The following BNIP2 variants were observed in gnomAD, a reference collection of about 807,000 sequenced individuals.
BNIP2 encodes the protein BCL2/adenovirus E1B 19 kDa protein-interacting protein 2.
Under a neutral mutation model 43.4 loss-of-function variants are expected in BNIP2, and 36 were observed. That is an observed-to-expected ratio of 0.83 (90% confidence interval 0.64 to 1.10). BNIP2 has a LOEUF of 1.10. BNIP2 is among the 50% of genes least tolerant of loss of function. BNIP2 has a pLI of 0.00. For missense variants in BNIP2, 417 were observed against 374.1 expected, an observed-to-expected ratio of 1.11 and a Z score of -0.95; for synonymous variants, 146 against 121.0, an observed-to-expected ratio of 1.21 and a Z score of -1.35.
chr15:59,678,176 G>A (rs1363930417), intron 4 of BNIP2, 89 bp from the exon 5 acceptor site: 3 of 1,440,182 alleles, frequency 2.1e-6, no homozygotes, highest in South Asian at 1.5e-5. Context: ...AGATTTTACA[G>A]AGAATTTTCA....
At chr15:59,674,316 CT>C (rs1376287387) in intron 5 of BNIP2, among the ~76,000 whole-genome samples, 5 of 152,078 alleles carry the variant, frequency 3.3e-5, no homozygotes, top group Non-Finnish European at 7.4e-5. Context: ...TCTTCACTAC[CT>C]TTCTTAATCA....
rs1200012515 is a variant in BNIP2, at chr15:59,661,253, C to T, written c.*2816G>A. 6.8e-6 allele frequency: 1 copy of T among 148,072 alleles called. No homozygotes were observed. Among genetic ancestry groups the T allele is most frequent in the Non-Finnish European group, 1.5e-5 (1 of 67,762 alleles). The allele number at this position is 148,072 out of a possible 1,614,324, so 9.2% of individuals were successfully genotyped here. On this transcript the variant is annotated 3_prime_UTR_variant, in exon 10 of 10. Coordinates refer to ENST00000607373, the MANE Select transcript of BNIP2 (RefSeq NM_004330.4). Reference sequence around the variant, plus strand: ...GCTGAGGCAGGAGAAATGCTTGAACCCGGGAGGCAGAGGTTGCAGTGAGCC... The same window carrying T: ...GCTGAGGCAGGAGAAATGCTTGAACTCGGGAGGCAGAGGTTGCAGTGAGCC...
chr15:59,680,602 T>C (rs554692170), intron 2 of BNIP2, among the ~76,000 whole-genome samples: 1 of 152,172 alleles, frequency 6.6e-6, no homozygotes, highest in African/African-American at 2.4e-5. Context: ...GGTCTTGCTA[T>C]GTTACCCAGG....
At chr15:59,683,524 C>T (rs939386093) in intron 1 of BNIP2, among the ~76,000 whole-genome samples, 2 of 152,200 alleles carry the variant, frequency 1.3e-5, no homozygotes, top group Middle Eastern at 3.4e-3. Flanking sequence ...AGTTAAAAGT[C>T]GTTGACACTA....
At position 59,659,883 on chromosome 15, in the gene BNIP2, A is replaced by G. The variant is rs921978320; in HGVS notation, c.*4186T>C. ...TTATAAATAGTTGCAACATACTGTT[A>G]TATTCAAATTTTAGTGTCACTCCTT... On this transcript the variant is annotated 3_prime_UTR_variant, in exon 10 of 10. Transcript: ENST00000607373. 1 of 152,190 alleles carries G rather than the reference A, an allele frequency of 6.6e-6. No individual in the cohort carries two copies. The highest frequency in any genetic ancestry group is 2.4e-5 in the African/African-American group (1 of 41,442). 9.4% of individuals were successfully genotyped at this position (152,190 alleles called of 1,614,324 possible).
intron 4 of BNIP2, 84 bp downstream of exon 4, chr15:59,679,508 T>C (rs1192351494): frequency 1.4e-6 from 2 of 1,382,964 alleles, no homozygotes; most frequent in Admixed American, 2.4e-5. Context: ...AACAAATATA[T>C]GAACTTTAGA....
chr15:59,670,901 C>G (rs1892857816), intron 7 of BNIP2, among the ~76,000 whole-genome samples: 1 of 152,026 alleles, frequency 6.6e-6, no homozygotes, highest in East Asian at 1.9e-4. Flanking sequence ...TGGAGAAACC[C>G]CGTCTCTACA....
chr15:59,669,261 G>A lies in BNIP2; in HGVS notation c.794+15C>T. The A allele has an allele frequency of 6.7e-7, 1 of 1,501,006 alleles. No individual in the cohort carries two copies. Among genetic ancestry groups the A allele is most frequent in the Non-Finnish European group, 9.0e-7 (1 of 1,116,700 alleles). The allele number at this position is 1,501,006 out of a possible 1,614,324, so 93.0% of individuals were successfully genotyped here. ...AAAAAAAATAAAATTAAAGTCAATG[G>A]CTCTCAAAAATTACCTAATAAATGG... On this transcript the variant is annotated intron_variant, in intron 8 of 9. Transcript: ENST00000607373.
At position 59,660,158 on chromosome 15, in the gene BNIP2, A is replaced by G. The variant is rs755937490; in HGVS notation, c.*3911T>C. 6.6e-6 allele frequency: 1 copy of G among 152,212 alleles called. No homozygotes were observed. The highest frequency in any genetic ancestry group is 1.5e-5 in the Non-Finnish European group (1 of 68,054). 9.4% of individuals were successfully genotyped at this position (152,212 alleles called of 1,614,324 possible). A position where few individuals can be genotyped will look rare whatever the true frequency, so the allele number is the denominator to read the frequency against. ...TCTTGACTCTTTCTCGCAGCAACTCAAACTACACAATTCCTATGACCTATA... is the reference window on the plus strand; with the variant it reads ...TCTTGACTCTTTCTCGCAGCAACTCGAACTACACAATTCCTATGACCTATA... On this transcript the variant is annotated 3_prime_UTR_variant, in exon 10 of 10. Coordinates refer to ENST00000607373, the MANE Select transcript of BNIP2 (RefSeq NM_004330.4).
intron 1 of BNIP2, 78 bp downstream of exon 1, chr15:59,689,057 C>G: frequency 6.8e-7 from 1 of 1,468,442 alleles, no homozygotes; most frequent in East Asian, 2.5e-5. Flanking sequence ...GGCACGCGCC[C>G]GACAGACTTT....
chr15:59,664,924 A>C (rs1031425851), intron 9 of BNIP2, among the ~76,000 whole-genome samples: 3 of 152,236 alleles, frequency 2.0e-5, no homozygotes, highest in African/African-American at 7.2e-5. Context: ...ATTGGTACAC[A>C]GTTTGTGAAT....
At chr15:59,669,583 C>T (rs1272122605) in intron 7 of BNIP2, among the ~76,000 whole-genome samples, 1 of 152,238 alleles carries the variant, frequency 6.6e-6, no homozygotes, top group South Asian at 2.1e-4. Context: ...TTTACGTCCA[C>T]AGTATAGCCT....
chr15:59,680,037 T>C (rs1302596163), intron 3 of BNIP2, among the ~76,000 whole-genome samples: 4 of 152,212 alleles, frequency 2.6e-5, no homozygotes, highest in African/African-American at 9.6e-5. Flanking sequence ...ACCCCTTTAC[T>C]GTAAAACTTT....
rs747754873 is a variant in BNIP2, at chr15:59,662,822, G to C, written c.*1247C>G. ...ATATGACACAATATCAGATCAATCT[G>C]TTGTTTTAGAAATAATTTTGTCGGT... On this transcript the variant is annotated 3_prime_UTR_variant, in exon 10 of 10. Transcript: ENST00000607373. 1 of 152,162 alleles carries C rather than the reference G, an allele frequency of 6.6e-6. No homozygotes were observed. Among genetic ancestry groups the C allele is most frequent in the African/African-American group, 2.4e-5 (1 of 41,424 alleles). The allele number at this position is 152,162 out of a possible 1,614,324, so 9.4% of individuals were successfully genotyped here. A position where few individuals can be genotyped will look rare whatever the true frequency, so the allele number is the denominator to read the frequency against.
intron 1 of BNIP2, among the ~76,000 whole-genome samples, chr15:59,684,703 A>C (rs1371264067): frequency 6.6e-6 from 1 of 152,242 alleles, no homozygotes; most frequent in African/African-American, 2.4e-5. Flanking sequence ...GTATTTTCCT[A>C]AATTCAATAA....
rs1454796277 is a variant in BNIP2, at chr15:59,673,141, T to C, written c.473-402A>G. On this transcript the variant is annotated intron_variant, in intron 5 of 9. Transcript: ENST00000607373. ...TGGGTGCTTTTTTTTTTTTTTTAGA[T>C]GGAGTCTCGTTCTGTCGTCCAGGCT... is the stretch of plus-strand genomic sequence containing the variant. 5.3e-5 allele frequency among the ~76,000 whole-genome samples: 8 copies of C among 149,566 alleles called. No homozygotes were observed. In the East Asian group the frequency reaches 1.2e-3, roughly 22 times the overall value.
Position 59,680,286 on chromosome 15 carries a change from T to C in BNIP2, c.73A>G (p.Ile25Val). 5.0e-6 allele frequency: 8 copies of C among 1,603,472 alleles called. No individual in the cohort carries two copies. Among genetic ancestry groups the C allele is most frequent in the Non-Finnish European group, 6.8e-6 (8 of 1,174,278 alleles). ...GTTATAGCTAGTATATCTGCTTCAA[T>C]ACTATCATCTTCTGGTAAAGGTCTA... ...FPIPLPEDDSIEADILAITGP... is the reference protein window; with the variant it reads ...FPIPLPEDDSVEADILAITGP... The change falls in exon 3 of 10, where the codon ATT (isoleucine) becomes GTT (valine). Residue 25 changes from isoleucine to valine, a missense_variant. Coordinates refer to ENST00000607373, the MANE Select transcript of BNIP2 (RefSeq NM_004330.4).
At chr15:59,669,075 A>AT in intron 8 of BNIP2, 85 bp from the exon 9 acceptor site, 1 of 1,274,868 alleles carries the variant, frequency 7.8e-7, no homozygotes, top group Non-Finnish European at 1.1e-6. Flanking sequence ...AAATCATGTC[A>AT]TTTTGAATGT....
At chr15:59,676,948 C>A (rs1266225560) in intron 5 of BNIP2, 1 of 1,612,086 alleles carries the variant, frequency 6.2e-7, no homozygotes, top group Admixed American at 1.7e-5. Context: ...ACAGCATGAT[C>A]CTCTCTGCTG....
Sources: allele counts gnomAD v4.1 joint callset (sites outside exome capture counted in the v4.1 genomes callset), GRCh38; gene constraint gnomAD v4.1.1; transcripts MANE v1.5; gene names NCBI Gene and HGNC (gene_info 2026-07-23, HGNC 2026-07-21).